The following SOS2 variants were observed in gnomAD, a reference collection of about 807,000 sequenced individuals.
SOS2 encodes son of sevenless homolog 2.
A neutral mutation model predicts 148.2 loss-of-function variants in SOS2; 65 were observed. The observed-to-expected ratio is 0.44, with a 90% CI of 0.36 to 0.54. The LOEUF is 0.54. Ranked by LOEUF, SOS2 falls within the 20% of genes least tolerant of loss-of-function variation. The probability of loss-of-function intolerance (pLI) is 0.00; values close to 1 mark genes in which losing one functional copy is unlikely to be tolerated. For missense variants in SOS2, 1,341 were observed against 1,590.2 expected (o/e 0.84, Z 2.67); for synonymous variants, 539 against 537.1 (o/e 1.00, Z -0.05).
chr14:50,172,549 C>CT (rs1885401980), intron 8 of SOS2, among the ~76,000 whole-genome samples: 1 of 151,064 alleles, frequency 6.6e-6, no homozygotes, highest in South Asian at 2.1e-4. Flanking sequence ...TTAGTAGAGA[C>CT]TAAAAACATG....
chr14:50,155,430 T>C (rs1266149964), intron 12 of SOS2, among the ~76,000 whole-genome samples: 1 of 152,154 alleles, frequency 6.6e-6, no homozygotes, highest in Non-Finnish European at 1.5e-5. Flanking sequence ...TTGTTCATAC[T>C]ATTTCTCATG....
chr14:50,197,880 G>C (rs989575636), intron 4 of SOS2, among the ~76,000 whole-genome samples: 1 of 151,612 alleles, frequency 6.6e-6, no homozygotes, highest in Non-Finnish European at 1.5e-5. Context: ...TAGTAGAGAC[G>C]GGGTTTTGCC....
intron 4 of SOS2, among the ~76,000 whole-genome samples, chr14:50,193,507 C>G (rs1428289751): frequency 6.6e-6 from 1 of 152,102 alleles, no homozygotes; most frequent in Non-Finnish European, 1.5e-5. Flanking sequence ...TAGAATACCT[C>G]ATATAGCCAC....
At chr14:50,156,949 G>T (rs1452111237) in intron 12 of SOS2, 50 bp downstream of exon 12, 11 of 937,546 alleles carry the variant, frequency 1.2e-5, no homozygotes, top group Non-Finnish European at 1.8e-5. Context: ...GTGTGTGTGT[G>T]TGTATATATA....
intron 1 of SOS2, chr14:50,215,488 T>G: frequency 8.0e-7 from 1 of 1,242,924 alleles, no homozygotes; most frequent in Non-Finnish European, 1.0e-6. Flanking sequence ...CCTATCATAT[T>G]TTTTGAAAGC....
chr14:50,199,504 G>C (rs1302779050), intron 4 of SOS2, among the ~76,000 whole-genome samples, 187 bp downstream of exon 4: 1 of 152,010 alleles, frequency 6.6e-6, no homozygotes, highest in Non-Finnish European at 1.5e-5. Flanking sequence ...CAAAAAAAGA[G>C]ATCCCCATCC....
chr14:50,230,050 A>G (rs1247060731), intron 1 of SOS2, among the ~76,000 whole-genome samples: 1 of 152,236 alleles, frequency 6.6e-6, no homozygotes, highest in Non-Finnish European at 1.5e-5. Flanking sequence ...GGTTCTTTAA[A>G]AAGATACGAC....
In SOS2 at chr14:50,138,316, C is replaced by T. The variant is rs148973408; in HGVS notation, c.2958+296G>A. On this transcript the variant is annotated intron_variant, in intron 18 of 22. Transcript: ENST00000216373. The stretch of plus-strand genomic sequence containing the variant: ...GGACTGCAGGCACCCAGCACCATGC[C>T]CAGCTAATTTTTTTTTATATTTTTA... 7.0e-3 allele frequency among the ~76,000 whole-genome samples: 1,070 copies of T among 151,974 alleles called. 15 individuals are homozygous for T. Among genetic ancestry groups the T allele is most frequent in the African/African-American group, 0.024 (1,011 of 41,438 alleles).
intron 3 of SOS2, 40 bp from the exon 4 acceptor site, chr14:50,199,895 C>CATTT: frequency 2.3e-6 from 3 of 1,328,636 alleles, no homozygotes; most frequent in Non-Finnish European, 3.2e-6. Context: ...AAATGTAGCA[C>CATTT]TGTCAAGTAT....
Position 50,178,144 on chromosome 14 carries a change from G to A in SOS2, c.969+2428C>T, listed in dbSNP as rs537178661. 1.3e-3 allele frequency among the ~76,000 whole-genome samples: 197 copies of A among 152,282 alleles called. 1 individual carries two copies. Among genetic ancestry groups the A allele is most frequent in the South Asian group, 9.7e-3 (47 of 4,826 alleles). On this transcript the variant is annotated intron_variant, in intron 7 of 22. Transcript: ENST00000216373. ...TGATATGGTTTGATTTTGTGTCCCCGTCCAAATCTCATGTTCAACTGTAAT... is the reference window on the plus strand; with the variant it reads ...TGATATGGTTTGATTTTGTGTCCCCATCCAAATCTCATGTTCAACTGTAAT...
At position 50,225,538 on chromosome 14, in the gene SOS2, T is replaced by C. The variant is rs542675016; in HGVS notation, c.87+5659A>G. ...CAAAAATAGAAGGCTACTTAATCAT[T>C]GCTGACAGGGAGCCAAGTACAGCAA... On this transcript the variant is annotated intron_variant, in intron 1 of 22. Coordinates refer to ENST00000216373, the MANE Select transcript of SOS2 (RefSeq NM_006939.4). Among the ~76,000 whole-genome samples, 6 of 152,310 alleles carry C rather than the reference T, an allele frequency of 3.9e-5. No homozygotes were observed. In the South Asian group the frequency reaches 1.2e-3, roughly 32 times the overall value.
intron 8 of SOS2, among the ~76,000 whole-genome samples, chr14:50,161,815 G>T (rs1885021077): frequency 2.1e-5 from 3 of 145,064 alleles, no homozygotes; most frequent in South Asian, 4.3e-4. Flanking sequence ...TTTGAAACAG[G>T]ATCTCACTCA....
intron 11 of SOS2, among the ~76,000 whole-genome samples, chr14:50,157,338 G>C (rs1015829580): frequency 6.6e-6 from 1 of 151,888 alleles, no homozygotes; most frequent in Non-Finnish European, 1.5e-5. Context: ...TTGTCTTTTA[G>C]CACTGATAAT....
At chr14:50,185,107 C>T (rs190327262) in intron 5 of SOS2, among the ~76,000 whole-genome samples, 12 of 152,110 alleles carry the variant, frequency 7.9e-5, no homozygotes, top group South Asian at 4.2e-4. Context: ...GTGAGCTGTT[C>T]GACCAAATTA....
chr14:50,163,453 G>A (rs891327445), intron 8 of SOS2, among the ~76,000 whole-genome samples: 2 of 152,058 alleles, frequency 1.3e-5, no homozygotes, highest in African/African-American at 2.4e-5. Flanking sequence ...TCTATATGAA[G>A]CACAGAGCCA....
intron 1 of SOS2, among the ~76,000 whole-genome samples, chr14:50,217,744 C>A (rs1407868603): frequency 6.6e-6 from 1 of 150,786 alleles, no homozygotes; most frequent in Admixed American, 6.6e-5. Flanking sequence ...ATCACGAGGT[C>A]AGGAGATCAA....
rs138371878 is a variant in SOS2 at position 50,161,237 on chromosome 14, T to C, written c.1196+245A>G. ...GAACGCAGGAGGCTAAGGCTGCAGG[T>C]TGCAGTGAGCTGAGATTACACCACT... is the stretch of plus-strand genomic sequence containing the variant. On this transcript the variant is annotated intron_variant, in intron 9 of 22. Transcript: ENST00000216373. Among the ~76,000 whole-genome samples the C allele has an allele frequency of 6.5e-4, 94 of 145,270 alleles. 1 individual carries two copies. In the East Asian group the frequency reaches 0.018, roughly 28 times the overall value.
At chr14:50,118,897 T>G in intron 22 of SOS2, 44 bp from the exon 23 acceptor site, 1 of 1,267,146 alleles carries the variant, frequency 7.9e-7, no homozygotes, top group South Asian at 2.4e-5. Context: ...TTCTGAAAAA[T>G]TAAAAAAAAA....
At chr14:50,214,208 G>A (rs945691772) in intron 1 of SOS2, among the ~76,000 whole-genome samples, 1 of 151,838 alleles carries the variant, frequency 6.6e-6, no homozygotes, top group Admixed American at 6.6e-5. Flanking sequence ...TTGAATTGGG[G>A]AATGGGGAAG....
Sources: gnomAD v4.1 joint callset for allele counts (sites outside exome capture counted in the v4.1 genomes callset) on GRCh38, gnomAD v4.1.1 for gene constraint, MANE v1.5 for transcripts, NCBI Gene and HGNC (gene_info 2026-07-23, HGNC 2026-07-21) for gene names.